The following TOPBP1 variants were observed in gnomAD, a reference collection of about 807,000 sequenced individuals.
TOPBP1 encodes the protein DNA topoisomerase II binding protein 1.
TOPBP1 carries 28 observed loss-of-function variants against 167.7 expected under a neutral mutation model. That is an observed-to-expected ratio of 0.17 (90% confidence interval 0.12 to 0.23). The LOEUF (loss-of-function observed/expected upper bound fraction) is 0.23. Among genes scored for constraint, TOPBP1 ranks in the 10% least tolerant of loss-of-function variants. TOPBP1 has a pLI of 1.00. For missense variants in TOPBP1, 1,554 were observed against 1,809.6 expected (o/e 0.86, Z 2.56); for synonymous variants, 598 against 611.4 (o/e 0.98, Z 0.32).
chr3:133,617,690 T>C (rs915029729), intron 21 of TOPBP1, among the ~76,000 whole-genome samples: 8 of 152,014 alleles, frequency 5.3e-5, no homozygotes. Flanking sequence ...GATAAATCTA[T>C]ATATCTAATG....
intron 16 of TOPBP1, among the ~76,000 whole-genome samples, chr3:133,626,873 T>A (rs1413873713): frequency 6.6e-6 from 1 of 152,186 alleles, no homozygotes; most frequent in Admixed American, 6.5e-5. Context: ...ATAGAGGGAA[T>A]GTTACACAAA....
At chr3:133,658,189 C>A (rs757193772) in intron 3 of TOPBP1, among the ~76,000 whole-genome samples, 2 of 152,248 alleles carry the variant, frequency 1.3e-5, no homozygotes, top group African/African-American at 4.8e-5. Flanking sequence ...TCAGGCCAGG[C>A]ACAGTGGCTC....
chr3:133,605,180 C>G (rs1559803875), intron 27 of TOPBP1, among the ~76,000 whole-genome samples: 1 of 149,194 alleles, frequency 6.7e-6, no homozygotes, highest in Non-Finnish European at 1.5e-5. Context: ...GTGTGGGCAA[C>G]AGAGCCAGAC....
chr3:133,661,346 A>G (rs1936706873), intron 1 of TOPBP1, among the ~76,000 whole-genome samples: 1 of 152,228 alleles, frequency 6.6e-6, no homozygotes, highest in African/African-American at 2.4e-5. Flanking sequence ...CAAATCAGAC[A>G]GCAAAATTAA....
chr3:133,618,466 G>A, intron 20 of TOPBP1, 33 bp from the exon 21 acceptor site: 1 of 1,594,410 alleles, frequency 6.3e-7, no homozygotes. Context: ...TAAATAAACA[G>A]CAATAACAAA....
Position 133,656,807 on chromosome 3 carries a change from G to T in TOPBP1, c.414C>A (p.Asp138Glu), listed in dbSNP as rs766591950. 1.2e-6 allele frequency: 2 copies of T among 1,611,464 alleles called. No homozygotes were observed. The highest frequency in any genetic ancestry group is 1.7e-6 in the Non-Finnish European group (2 of 1,179,012). The change falls in exon 5 of 28, where the codon GAC becomes GAA. Residue 138 changes from aspartate (D) to glutamate (E), a missense_variant. This residue lies in a region of TOPBP1 where 1,197 missense variants were observed against 1,351.5 expected (regional missense o/e 0.89). Transcript: ENST00000260810. Reference sequence around the variant, plus strand: ...TAAGGTGAGTTACTGATACATTAAGGTCTCTGTATACTCGTCCGCCCATCA... The same window carrying T: ...TAAGGTGAGTTACTGATACATTAAGTTCTCTGTATACTCGTCCGCCCATCA... ...VQMMGGRVYR[D>E]LNVSVTHLIA...
chr3:133,645,421 T>A (rs1006473585), intron 10 of TOPBP1, among the ~76,000 whole-genome samples: 3 of 152,134 alleles, frequency 2.0e-5, no homozygotes, highest in African/African-American at 7.2e-5. Context: ...ACAGATATAC[T>A]CATGGGAATG....
intron 8 of TOPBP1, 125 bp downstream of exon 8, chr3:133,652,338 T>C: frequency 1.0e-6 from 1 of 959,620 alleles, no homozygotes; most frequent in South Asian, 1.5e-5. Context: ...GTGCATCTAC[T>C]TAGCTAGAGT....
intron 25 of TOPBP1, 66 bp from the exon 26 acceptor site, chr3:133,609,028 T>C (rs1934590095): frequency 2.5e-6 from 3 of 1,214,618 alleles, no homozygotes; most frequent in Non-Finnish European, 3.5e-6. Flanking sequence ...AGATAATGCA[T>C]GATTTTATCT....
intron 27 of TOPBP1, among the ~76,000 whole-genome samples, chr3:133,603,915 T>C (rs371553784): frequency 7.9e-5 from 12 of 151,926 alleles, no homozygotes; most frequent in African/African-American, 2.2e-4. Flanking sequence ...TTCATTAAGA[T>C]AGATGAAGCT....
At chr3:133,639,145 T>C (rs969821016) in intron 13 of TOPBP1, among the ~76,000 whole-genome samples, 1 of 152,168 alleles carries the variant, frequency 6.6e-6, no homozygotes, top group African/African-American at 2.4e-5. Context: ...CATGCTACTA[T>C]AAAGACACAT....
intron 21 of TOPBP1, 89 bp downstream of exon 21, chr3:133,618,124 T>C (rs1462325374): frequency 3.5e-5 from 40 of 1,146,832 alleles, no homozygotes; most frequent in Non-Finnish European, 5.1e-5. Context: ...CACATTCAGA[T>C]CAGAGAACTA....
At chr3:133,626,111 T>C (rs1935258950) in intron 16 of TOPBP1, among the ~76,000 whole-genome samples, 2 of 152,214 alleles carry the variant, frequency 1.3e-5, no homozygotes, top group African/African-American at 4.8e-5. Context: ...TTTTAGACTT[T>C]GCAGGCCAAA....
intron 6 of TOPBP1, 26 bp downstream of exon 6, chr3:133,655,264 T>C (rs747123472): frequency 7.6e-7 from 1 of 1,313,254 alleles, no homozygotes; most frequent in Non-Finnish European, 9.9e-7. Context: ...ATGTTTCATT[T>C]GTCCCTTTGT....
chr3:133,652,409 T>A, intron 8 of TOPBP1, 54 bp downstream of exon 8: 1 of 1,585,828 alleles, frequency 6.3e-7, no homozygotes, highest in East Asian at 2.3e-5. Context: ...AAAGTCAGGC[T>A]AGGAAATGCT....
chr3:133,604,855 G>A (rs1344784539), intron 27 of TOPBP1, among the ~76,000 whole-genome samples: 1 of 151,820 alleles, frequency 6.6e-6, no homozygotes, highest in African/African-American at 2.4e-5. Context: ...GGAGGTGGAG[G>A]TTGCAGTGAG....
chr3:133,625,909 T>C (rs78866382), intron 16 of TOPBP1, among the ~76,000 whole-genome samples: 4,463 of 152,260 alleles, frequency 0.029, 110 homozygotes, highest in African/African-American at 0.07. Flanking sequence ...TGGTATATTA[T>C]CAAGATAATT....
intron 14 of TOPBP1, among the ~76,000 whole-genome samples, chr3:133,637,133 A>G (rs1451548543): frequency 6.6e-6 from 1 of 152,220 alleles, no homozygotes; most frequent in Non-Finnish European, 1.5e-5. Context: ...GCTTCTAAAT[A>G]CCCTACAAGC....
chr3:133,645,752 T>C (rs1014383984), intron 10 of TOPBP1, among the ~76,000 whole-genome samples: 18 of 152,176 alleles, frequency 1.2e-4, no homozygotes, highest in African/African-American at 3.1e-4. Flanking sequence ...AACTAACATG[T>C]TCTACAGCAG....
Sources: allele counts gnomAD v4.1 joint callset (sites outside exome capture counted in the v4.1 genomes callset), GRCh38; gene constraint gnomAD v4.1.1; regional missense constraint gnomAD v4.1.1; transcripts MANE v1.5; gene names NCBI Gene and HGNC (gene_info 2026-07-23, HGNC 2026-07-21).